The following ARID1A variants were observed in gnomAD, a reference collection of about 807,000 sequenced individuals.
ARID1A encodes the protein AT-rich interaction domain 1A.
In ARID1A, 20 loss-of-function variants were observed where a neutral mutation model predicts 212.6. The ratio of observed to expected loss-of-function variants is 0.09; its 90% CI spans 0.07 to 0.14. The LOEUF (loss-of-function observed/expected upper bound fraction) is 0.14, where lower values mean the gene tolerates loss of function less well. Ranked by LOEUF, ARID1A falls within the 10% of genes least tolerant of loss-of-function variation. The pLI, the probability that ARID1A is intolerant of heterozygous loss-of-function variation, is 1.00. For synonymous variants in ARID1A, 1,376 were observed against 1,222.1 expected (o/e 1.13, Z -2.63); for missense variants, 2,587 against 3,059.0 (o/e 0.85, Z 3.64).
In ARID1A at chr1:26,772,499, G is replaced by A. The variant is rs1191305197; in HGVS notation, c.3407-1G>A. On this transcript the variant is annotated splice_acceptor_variant, in intron 12 of 19. Coordinates refer to ENST00000324856, the MANE Select transcript of ARID1A (RefSeq NM_006015.6). LOFTEE classifies it high-confidence loss of function. The stretch of plus-strand genomic sequence containing the variant: ...TACTCAACTTGTATCTCTGTCCACA[G>A]CGGGATCAGGATCTATGCAGGGGCC... The A allele has an allele frequency of 6.2e-7, 1 of 1,614,218 alleles. No homozygotes were observed. Among genetic ancestry groups the A allele is most frequent in the Admixed American group, 1.7e-5 (1 of 60,024 alleles).
At chr1:26,728,662 T>A (rs1302119358) in intron 1 of ARID1A, among the ~76,000 whole-genome samples, 2 of 152,166 alleles carry the variant, frequency 1.3e-5, no homozygotes, top group African/African-American at 4.8e-5. Flanking sequence ...TCACCCCCAA[T>A]GTAAGAGCTA....
intron 5 of ARID1A, 95 bp from the exon 6 acceptor site, chr1:26,761,289 C>T: frequency 2.0e-6 from 3 of 1,509,608 alleles, no homozygotes; most frequent in South Asian, 1.2e-5. Context: ...GGTACTTGGC[C>T]TCTTCATGAG....
At chr1:26,754,760 C>T (rs2080914186) in intron 4 of ARID1A, among the ~76,000 whole-genome samples, 1 of 152,168 alleles carries the variant, frequency 6.6e-6, no homozygotes, top group African/African-American at 2.4e-5. Context: ...ATCTGGCTTC[C>T]ACCACTTGCC....
chr1:26,748,184 A>G (rs2080854603), intron 4 of ARID1A, among the ~76,000 whole-genome samples: 1 of 152,190 alleles, frequency 6.6e-6, no homozygotes, highest in South Asian at 2.1e-4. Flanking sequence ...CACAGTGCCA[A>G]CTTTGCCTTC....
chr1:26,732,917 A>G, intron 4 of ARID1A, 125 bp downstream of exon 4: 1 of 773,128 alleles, frequency 1.3e-6, no homozygotes, highest in Non-Finnish European at 2.1e-6. Context: ...CTTGAATTCA[A>G]GGAACTTAAA....
At chr1:26,757,930 G>A (rs918980057) in intron 4 of ARID1A, among the ~76,000 whole-genome samples, 2 of 152,124 alleles carry the variant, frequency 1.3e-5, no homozygotes, top group African/African-American at 4.8e-5. Flanking sequence ...GAGCTACTGC[G>A]CCTGGCCAAC....
rs1570540902 is a variant in ARID1A, at chr1:26,697,455, G to A, written c.1052G>A (p.Gly351Glu). ...AAAAAAAAAS[G>E]GAQQRSHHAP... ...GCAGCTGCGGCGGCGGCCGCCTCGG[G>A]AGGGGCCCAACAAAGGAGCCACCAC... Residue 351 changes from glycine (G) to glutamate (E), a missense_variant, in exon 1 of 20, where the codon GGA becomes GAA. Gly to Glu is a moderately conservative substitution (Grantham distance 98). Transcript: ENST00000324856. 1 of 1,372,278 alleles carries A rather than the reference G, an allele frequency of 7.3e-7. No homozygotes were observed. The highest frequency in any genetic ancestry group is 9.3e-7 in the Non-Finnish European group (1 of 1,073,214). 85.0% of individuals were successfully genotyped at this position (1,372,278 alleles called of 1,614,324 possible).
intron 4 of ARID1A, among the ~76,000 whole-genome samples, chr1:26,754,988 A>G (rs1214944732): frequency 6.6e-6 from 1 of 152,138 alleles, no homozygotes; most frequent in Non-Finnish European, 1.5e-5. Flanking sequence ...AGGTGTCTGT[A>G]GTCGCAGCTA....
chr1:26,745,760 T>TAAA lies in ARID1A; in HGVS notation c.1920+12970_1920+12971insAAA, dbSNP rs1363661174. On this transcript the variant is annotated intron_variant, in intron 4 of 19. Coordinates refer to ENST00000324856, the MANE Select transcript of ARID1A (RefSeq NM_006015.6). ...GTACAAGACCAGCAAAAAGATCCTT[T>TAAA]AAGAAAAGGCCGCAGGCACGGTAGC... Among the ~76,000 whole-genome samples the TAAA allele has an allele frequency of 3.3e-5, 5 of 152,114 alleles. 1 individual carries two copies. The South Asian group carries it at 1.0e-3, about 32-fold the overall frequency.
chr1:26,766,382 T>G lies in ARID1A; in HGVS notation c.2878+16T>G. 1 of 1,614,006 alleles carries G rather than the reference T, an allele frequency of 6.2e-7. No homozygotes were observed. Among genetic ancestry groups the G allele is most frequent in the South Asian group, 1.1e-5 (1 of 91,064 alleles). On this transcript the variant is annotated intron_variant, in intron 9 of 19. Coordinates refer to ENST00000324856, the MANE Select transcript of ARID1A (RefSeq NM_006015.6). ...AATTCTGCAGGTAAGTGCTAGTCAT[T>G]CTCACTAGGGATTTCTTCAAGAGTC...
In ARID1A at chr1:26,767,910, G is replaced by C. The variant is rs144496027; in HGVS notation, c.3109G>C (p.Gly1037Arg). Reference sequence around the variant, plus strand: ...GGCCTTCACTGAGGAGAAGGCCATGGGCATGACAAATCTGCCTGCTGTGGG... The same window carrying C: ...GGCCTTCACTGAGGAGAAGGCCATGCGCATGACAAATCTGCCTGCTGTGGG... ...YLAFTEEKAM[G>R]MTNLPAVGRK... Residue 1037 changes from glycine (G) to arginine (R), a missense_variant, in exon 11 of 20, where the codon GGC (glycine) becomes CGC (arginine). Around this residue, in one of 11 missense-constraint regions of ARID1A, gnomAD observed 44 missense variants for 99.5 expected, o/e 0.44. Coordinates refer to ENST00000324856, the MANE Select transcript of ARID1A (RefSeq NM_006015.6). 40 of 1,614,024 alleles carry C rather than the reference G, an allele frequency of 2.5e-5. No individual in the cohort carries two copies. Among genetic ancestry groups the C allele is most frequent in the Middle Eastern group, 3.3e-4 (2 of 6,082 alleles).
At chr1:26,765,323 A>C (rs561488765) in intron 8 of ARID1A, 1 of 151,158 alleles carries the variant, frequency 6.6e-6, no homozygotes, top group Admixed American at 6.6e-5. Context: ...TGTCTCTACT[A>C]ATAAAGTACA....
At chr1:26,732,041 A>G (rs1255363755) in intron 3 of ARID1A, among the ~76,000 whole-genome samples, 11 of 152,124 alleles carry the variant, frequency 7.2e-5, no homozygotes, top group Non-Finnish European at 1.5e-4. Flanking sequence ...GGATCCCTTC[A>G]TTTGGAATTG....
At chr1:26,707,869 A>G (rs1194399613) in intron 1 of ARID1A, among the ~76,000 whole-genome samples, 1 of 152,214 alleles carries the variant, frequency 6.6e-6, no homozygotes, top group East Asian at 1.9e-4. Context: ...TTGTCTGACA[A>G]GGTAGACAAG....
Position 26,773,813 on chromosome 1 carries a change from A to G in ARID1A, c.4016A>G (p.Tyr1339Cys), listed in dbSNP as rs1004080670. The G allele has an allele frequency of 1.2e-6, 2 of 1,613,930 alleles. No individual in the cohort carries two copies. The highest frequency in any genetic ancestry group is 1.3e-5 in the African/African-American group (1 of 74,868). The change falls in exon 17 of 20, where the codon TAT (tyrosine) becomes TGT (cysteine). Residue 1339 changes from tyrosine to cysteine, a missense_variant. Physicochemically the swap from Tyr to Cys is radical, Grantham distance 194. Around this residue, in one of 11 missense-constraint regions of ARID1A, gnomAD observed 890 missense variants for 1,098.2 expected, o/e 0.81. Transcript: ENST00000324856. ...QQQQQQRHDS[Y>C]GNQFSTQGTP... Reference sequence around the variant, plus strand: ...TTTGCCTCCTATAGACATGATTCCTATGGCAATCAGTTCTCCACCCAAGGC... The same window carrying G: ...TTTGCCTCCTATAGACATGATTCCTGTGGCAATCAGTTCTCCACCCAAGGC...
At chr1:26,700,588 A>T (rs957047594) in intron 1 of ARID1A, among the ~76,000 whole-genome samples, 5 of 152,230 alleles carry the variant, frequency 3.3e-5, no homozygotes, top group African/African-American at 1.2e-4. Flanking sequence ...ATACTTTGAG[A>T]GTAATACCAG....
chr1:26,701,469 G>A (rs1056698747), intron 1 of ARID1A, among the ~76,000 whole-genome samples: 13 of 152,144 alleles, frequency 8.5e-5, no homozygotes, highest in Non-Finnish European at 1.5e-5. Context: ...TGCGTTAGTG[G>A]TAAAGAGCAC....
chr1:26,710,536 T>C (rs2124763183), intron 1 of ARID1A, among the ~76,000 whole-genome samples: 1 of 53,124 alleles, frequency 1.9e-5, no homozygotes, highest in South Asian at 5.7e-4. Context: ...CACCACTTGT[T>C]GTTCCAGCTT....
chr1:26,778,816 G>A, intron 19 of ARID1A: 1 of 460,678 alleles, frequency 2.2e-6, no homozygotes, highest in Non-Finnish European at 3.8e-6. Flanking sequence ...AGGCTTACGT[G>A]AAGGTAGGTT....
Sources: allele counts gnomAD v4.1 joint callset (sites outside exome capture counted in the v4.1 genomes callset), GRCh38; gene constraint gnomAD v4.1.1; regional missense constraint gnomAD v4.1.1; transcripts MANE v1.5; gene names NCBI Gene and HGNC (gene_info 2026-07-23, HGNC 2026-07-21).